The following HAL variants were observed in gnomAD, a reference collection of about 807,000 sequenced individuals.
HAL encodes histidine ammonia-lyase.
HAL carries 85 observed loss-of-function variants against 81.1 expected under a neutral mutation model. The ratio of observed to expected loss-of-function variants is 1.05; its 90% CI spans 0.88 to 1.25. The LOEUF (loss-of-function observed/expected upper bound fraction) is 1.25. HAL is among the 50% of genes most tolerant of loss of function. HAL has a pLI of 0.00. For synonymous variants in HAL, 301 were observed against 309.2 expected (o/e 0.97, Z 0.28); for missense variants, 798 against 836.6 (o/e 0.95, Z 0.57).
chr12:95,985,583 C>G (rs1243185227), intron 14 of HAL, among the ~76,000 whole-genome samples: 3 of 135,932 alleles, frequency 2.2e-5, no homozygotes, highest in South Asian at 2.4e-4. Flanking sequence ...GAGTGAGACT[C>G]TGTCTCCAAA....
intron 4 of HAL, 97 bp downstream of exon 4, chr12:95,994,700 TA>T: frequency 8.3e-7 from 1 of 1,201,506 alleles, no homozygotes; most frequent in Non-Finnish European, 1.2e-6. Context: ...AGCCCTGTTC[TA>T]ATTGACAGTG....
At chr12:95,981,268 A>C (rs984593163) in intron 15 of HAL, among the ~76,000 whole-genome samples, 3 of 152,200 alleles carry the variant, frequency 2.0e-5, no homozygotes, top group Non-Finnish European at 4.4e-5. Context: ...GTTCCATAGA[A>C]GAATCTGTTG....
At chr12:95,991,521 C>G (rs1184471736) in intron 9 of HAL, among the ~76,000 whole-genome samples, 1 of 152,144 alleles carries the variant, frequency 6.6e-6, no homozygotes, top group Admixed American at 6.5e-5. Context: ...CTCCACTGCC[C>G]CTTATCAATG....
Position 95,994,169 on chromosome 12 carries a change from A to C in HAL, c.337-5T>G, listed in dbSNP as rs762078936. On this transcript the variant is annotated splice_region_variant and splice_polypyrimidine_tract_variant and intron_variant, in intron 4 of 20. Transcript: ENST00000261208. ...GTCTCCATCTAACTCGATGTACTACACAAAAGAAGGGGATCTCAGTGAGTC... is the reference window on the plus strand; with the variant it reads ...GTCTCCATCTAACTCGATGTACTACCCAAAAGAAGGGGATCTCAGTGAGTC... 45 of 1,605,826 alleles carry C rather than the reference A, an allele frequency of 2.8e-5. No homozygotes were observed. In the South Asian group the frequency reaches 4.6e-4, roughly 16 times the overall value.
rs181887143 is a variant in HAL, at chr12:95,986,136, C to T, written c.1076G>A (p.Arg359His). 6.7e-5 allele frequency: 107 copies of T among 1,605,158 alleles called. No homozygotes were observed. The East Asian group carries it at 1.1e-3, about 17-fold the overall frequency. ...CCGAAAAGCAACTTCAATTTGCCCA[C>T]GGTGAGGTCGAAGAGCATGAATGTC... ...DTDIHALRPH[R>H]GQIEVAFRFR... Residue 359 changes from arginine (R) to histidine (H), a missense_variant, in exon 13 of 21, where the codon CGT (arginine) becomes CAT (histidine). Arg to His is a conservative substitution (Grantham distance 29). Coordinates refer to ENST00000261208, the MANE Select transcript of HAL (RefSeq NM_002108.4).
At position 95,980,738 on chromosome 12, in the gene HAL, A is replaced by G; in HGVS notation, c.1354-17T>C. 2 of 1,612,028 alleles carry G rather than the reference A, an allele frequency of 1.2e-6. No individual in the cohort carries two copies. Among genetic ancestry groups the G allele is most frequent in the Non-Finnish European group, 1.7e-6 (2 of 1,178,088 alleles). Reference sequence around the variant, plus strand: ...GTCTAGGGCCTGAAAGAGGGTCTCCATTTAGTCAGCCTATATTGAAATGTG... The same window carrying G: ...GTCTAGGGCCTGAAAGAGGGTCTCCGTTTAGTCAGCCTATATTGAAATGTG... On this transcript the variant is annotated splice_polypyrimidine_tract_variant and intron_variant, in intron 16 of 20. Transcript: ENST00000261208.
chr12:95,980,399 A>C (rs1260036727), intron 17 of HAL, among the ~76,000 whole-genome samples, 157 bp downstream of exon 17: 1 of 152,228 alleles, frequency 6.6e-6, no homozygotes, highest in Non-Finnish European at 1.5e-5. Context: ...AAAATATTAG[A>C]GTTAACCTGT....
chr12:95,993,427 G>T (rs1303770494), intron 8 of HAL, 24 bp downstream of exon 8: 1 of 1,497,142 alleles, frequency 6.7e-7, no homozygotes, highest in Non-Finnish European at 9.3e-7. Context: ...CAAGATCCAG[G>T]AGGCACCCAA....
At chr12:95,986,594 A>G (rs1056256141) in intron 12 of HAL, among the ~76,000 whole-genome samples, 1 of 152,220 alleles carries the variant, frequency 6.6e-6, no homozygotes, top group Non-Finnish European at 1.5e-5. Flanking sequence ...AGGGAGCCCT[A>G]CAGTGGCCTA....
intron 18 of HAL, 68 bp downstream of exon 18, chr12:95,977,876 C>T (rs1396520768): frequency 6.5e-7 from 1 of 1,546,420 alleles, no homozygotes; most frequent in African/African-American, 1.4e-5. Flanking sequence ...GGTGGGAGAT[C>T]CCACTTGAGA....
In HAL at chr12:95,996,110, G is replaced by A; in HGVS notation, c.-114C>T. 1 of 612,438 alleles carries A rather than the reference G, an allele frequency of 1.6e-6. No individual in the cohort carries two copies. The highest frequency in any genetic ancestry group is 3.0e-6 in the Non-Finnish European group (1 of 338,338). The allele number at this position is 612,438 out of a possible 1,614,324, so 37.9% of individuals were successfully genotyped here. A position where few individuals can be genotyped will look rare whatever the true frequency, so the allele number is the denominator to read the frequency against. ...CCCTTTGGTTTTTGTAGCCGAGCAG[G>A]GGCAGGAGCAGGGGATGCAGACGGG... On this transcript the variant is annotated 5_prime_UTR_variant, in exon 1 of 21. Coordinates refer to ENST00000261208, the MANE Select transcript of HAL (RefSeq NM_002108.4).
chr12:95,986,978 C>T lies in HAL; in HGVS notation c.1051+89G>A, dbSNP rs1235929665. 5.3e-6 allele frequency: 6 copies of T among 1,130,470 alleles called. No homozygotes were observed. In the African/African-American group the frequency reaches 9.1e-5, roughly 17 times the overall value. 70.0% of individuals were successfully genotyped at this position (1,130,470 alleles called of 1,614,324 possible). A position where few individuals can be genotyped will look rare whatever the true frequency, so the allele number is the denominator to read the frequency against. ...TTTTCTCCTTCCCTACTACCTGCCC[C>T]CACCACTTCTGTGTCTAAAGATCTC... On this transcript the variant is annotated intron_variant, in intron 12 of 20. Transcript: ENST00000261208.
Position 95,993,914 on chromosome 12 carries a change from A to C in HAL, c.484+12T>G, listed in dbSNP as rs1248889644. ...TTATAAAAATATTTATAACATAAAGATAAAAAGATACCTGTTTTCTCTTTT... is the reference window on the plus strand; with the variant it reads ...TTATAAAAATATTTATAACATAAAGCTAAAAAGATACCTGTTTTCTCTTTT... On this transcript the variant is annotated intron_variant, in intron 6 of 20. Transcript: ENST00000261208. 6.5e-7 allele frequency: 1 copy of C among 1,534,430 alleles called. No individual in the cohort carries two copies. Among genetic ancestry groups the C allele is most frequent in the East Asian group, 2.2e-5 (1 of 44,478 alleles).
chr12:95,994,067 A>G, intron 5 of HAL, 23 bp downstream of exon 5: 1 of 1,599,264 alleles, frequency 6.3e-7, no homozygotes. Context: ...GCCAGAGGAC[A>G]TCTTTCCCCT....
intron 8 of HAL, 119 bp from the exon 9 acceptor site, chr12:95,992,924 T>C: frequency 1.1e-6 from 1 of 881,398 alleles, no homozygotes; most frequent in Admixed American, 1.8e-5. Context: ...TACCTTCTCC[T>C]CTCGGCTCAG....
intron 10 of HAL, 198 bp downstream of exon 10, chr12:95,990,195 G>C (rs1223198050): frequency 1.6e-6 from 1 of 640,488 alleles, no homozygotes; most frequent in Non-Finnish European, 2.8e-6. Context: ...AACCCAGAAG[G>C]CTGACAGCCG....
At chr12:95,975,537 A>G (rs2080708069) in intron 20 of HAL, among the ~76,000 whole-genome samples, 1 of 152,022 alleles carries the variant, frequency 6.6e-6, no homozygotes, top group Non-Finnish European at 1.5e-5. Flanking sequence ...TTTAAATTGA[A>G]TGAAATTAAG....
At chr12:95,978,385 G>T (rs569289232) in intron 17 of HAL, among the ~76,000 whole-genome samples, 25 of 152,180 alleles carry the variant, frequency 1.6e-4, no homozygotes, top group African/African-American at 6.0e-4. Flanking sequence ...GAGACTAGGG[G>T]AGAAAGAGAC....
chr12:95,992,963 T>C (rs1449750835), intron 8 of HAL, among the ~76,000 whole-genome samples, 158 bp from the exon 9 acceptor site: 1 of 149,164 alleles, frequency 6.7e-6, no homozygotes, highest in African/African-American at 2.5e-5. Flanking sequence ...CTCCTGCCTG[T>C]CTGACTTGTC....
Sources: allele counts gnomAD v4.1 joint callset (sites outside exome capture counted in the v4.1 genomes callset), GRCh38; gene constraint gnomAD v4.1.1; transcripts MANE v1.5; gene names NCBI Gene and HGNC (gene_info 2026-07-23, HGNC 2026-07-21).